Variants in SLC39A3 observed in about 807,000 individuals in gnomAD.
The protein encoded by SLC39A3 is solute carrier family 39 member 3.
SLC39A3 carries 3 observed loss-of-function variants against 5.1 expected under a neutral mutation model. The ratio of observed to expected loss-of-function variants is 0.59; its 90% CI spans 0.27 to 1.54. The LOEUF is 1.54. SLC39A3 is among the 40% of genes most tolerant of loss of function. The pLI is 0.12. For synonymous variants in SLC39A3, 250 were observed against 218.8 expected (o/e 1.14, Z -1.26); for missense variants, 412 against 436.4 (o/e 0.94, Z 0.50).
Position 2,733,234 on chromosome 19 carries a change from G to A in SLC39A3, c.462C>T (p.Gly154=), listed in dbSNP as rs1914252087. Residue 154 remains glycine (G), a synonymous_variant, in exon 3 of 3, where the codon GGC becomes GGT. Coordinates refer to ENST00000269740, the MANE Select transcript of SLC39A3 (RefSeq NM_144564.5). This position sits in a 1 kb window ranked among gnomAD's most constrained non-coding sequence, Gnocchi z 6.1. Reference sequence around the variant, plus strand: ...AGAGGCCCTGCACGCTCAGGCTGGGGCCGTGGCCGTGGGGCTCCACGTACA... The same window carrying A: ...AGAGGCCCTGCACGCTCAGGCTGGGACCGTGGCCGTGGGGCTCCACGTACA... ...HALYVEPHGH[G]PSLSVQGLSR... is the part of the protein sequence containing the mutation. 3.1e-6 allele frequency: 5 copies of A among 1,608,784 alleles called. No homozygotes were observed. The highest frequency in any genetic ancestry group is 1.1e-5 in the South Asian group (1 of 90,818).
chr19:2,733,174 G>A lies in SLC39A3; in HGVS notation c.522C>T (p.Ala174=), dbSNP rs532437617. 1.7e-5 allele frequency: 27 copies of A among 1,609,760 alleles called. 1 individual carries two copies. In the South Asian group the frequency reaches 1.8e-4, roughly 11 times the overall value. Residue 174 remains alanine, a synonymous_variant, in exon 3 of 3, where the codon GCC becomes GCT. Transcript: ENST00000269740. This position sits in a 1 kb window ranked among gnomAD's most constrained non-coding sequence, Gnocchi z 6.1. ...RASPVRLLSL[A]FALSAHSVFE... ...AGACCGAGTGGGCCGACAGCGCGAA[G>A]GCCAGGCTGAGCAGGCGCACGGGGC...
In SLC39A3 at chr19:2,734,294, C is replaced by T. The variant is rs556447340; in HGVS notation, c.211-809G>A. ...TCACAGCCACCCTCCAGAGAGACCTCGAGACCAAAGTGGAGGAAAATCACA... is the reference window on the plus strand; with the variant it reads ...TCACAGCCACCCTCCAGAGAGACCTTGAGACCAAAGTGGAGGAAAATCACA... On this transcript the variant is annotated intron_variant, in intron 2 of 2. Transcript: ENST00000269740. This position sits in a 1 kb window ranked among gnomAD's most constrained non-coding sequence, Gnocchi z 4.6. Among the ~76,000 whole-genome samples, 8 of 152,340 alleles carry T rather than the reference C, an allele frequency of 5.3e-5. No individual in the cohort carries two copies. The South Asian group carries it at 8.3e-4, about 16-fold the overall frequency.
At chr19:2,738,257 T>C (rs1408695168) in intron 1 of SLC39A3, among the ~76,000 whole-genome samples, 3 of 149,202 alleles carry the variant, frequency 2.0e-5, no homozygotes, top group African/African-American at 7.4e-5. Context: ...TCAGTCTCCC[T>C]GGCCATATTT....
chr19:2,737,424 T>TA (rs1178238235), intron 1 of SLC39A3, 45 bp from the exon 2 acceptor site: 2 of 1,016,894 alleles, frequency 2.0e-6, no homozygotes, highest in African/African-American at 1.7e-5. Flanking sequence ...TCTTTTTTCT[T>TA]TTTTTTTTTT....
Position 2,734,797 on chromosome 19 carries a change from T to A in SLC39A3, c.211-1312A>T. 1 of 985,444 alleles carries A rather than the reference T, an allele frequency of 1.0e-6. No individual in the cohort carries two copies. Among genetic ancestry groups the A allele is most frequent in the Non-Finnish European group, 1.2e-6 (1 of 829,956 alleles). The allele number at this position is 985,444 out of a possible 1,614,324, so 61.0% of individuals were successfully genotyped here. ...TGTTTCCACGGAGAAGCCACTTAAC[T>A]CCCTCACTGACCACCGGCTGGAGGC... is the stretch of plus-strand genomic sequence containing the variant. On this transcript the variant is annotated intron_variant, in intron 2 of 2. Transcript: ENST00000269740. This position sits in a 1 kb window ranked among gnomAD's most constrained non-coding sequence, Gnocchi z 4.6.
In SLC39A3 at chr19:2,733,117, C is replaced by T. The variant is rs1157536787; in HGVS notation, c.579G>A (p.Glu193=). 6.2e-7 allele frequency: 1 copy of T among 1,610,748 alleles called. No individual in the cohort carries two copies. The change falls in exon 3 of 3, where the codon GAG becomes GAA. Residue 193 remains glutamate, a synonymous_variant. Coordinates refer to ENST00000269740, the MANE Select transcript of SLC39A3 (RefSeq NM_144564.5). The surrounding 1 kb of genome is among the most constrained non-coding windows in gnomAD (Gnocchi z 6.1). The part of the protein sequence containing the change: ...FEGLALGLQE[E]GEKVVSLFVG... ...CGAACAGGCTCACCACTTTCTCCCC[C>T]TCCTCCTGCAGGCCCAGGGCCAGGC...
At position 2,735,262 on chromosome 19, in the gene SLC39A3, A is replaced by G; in HGVS notation, c.211-1777T>C. 1 of 976,928 alleles carries G rather than the reference A, an allele frequency of 1.0e-6. No homozygotes were observed. The highest frequency in any genetic ancestry group is 1.2e-6 in the Non-Finnish European group (1 of 822,226). The allele number at this position is 976,928 out of a possible 1,614,324, so 60.5% of individuals were successfully genotyped here. A position where few individuals can be genotyped will look rare whatever the true frequency, so the allele number is the denominator to read the frequency against. ...GTCAGTCTTCACACACCGCGTAACG[A>G]ACGAATGCAGACTCAGCCACGCGGA... On this transcript the variant is annotated intron_variant, in intron 2 of 2. Transcript: ENST00000269740. This position sits in a 1 kb window ranked among gnomAD's most constrained non-coding sequence, Gnocchi z 5.7.
At position 2,733,276 on chromosome 19, in the gene SLC39A3, G is replaced by GC. The variant is rs1180426577; in HGVS notation, c.419dup (p.Ala141ArgfsTer44). 6.2e-6 allele frequency: 10 copies of GC among 1,612,580 alleles called. No homozygotes were observed. Among genetic ancestry groups the GC allele is most frequent in the South Asian group, 1.1e-5 (1 of 91,092 alleles). On this transcript the variant is annotated frameshift_variant, in exon 3 of 3. Transcript: ENST00000269740. LOFTEE classifies it low-confidence loss of function (END_TRUNC). This position sits in a 1 kb window ranked among gnomAD's most constrained non-coding sequence, Gnocchi z 6.1. ...CCACGTACAGCGCGTGGCCCCGCGC[G>GC]CCCCCCATGAAGGGGCTCTCATACT... is the stretch of plus-strand genomic sequence containing the variant.
Position 2,733,508 on chromosome 19 carries a change from G to C in SLC39A3, c.211-23C>G, listed in dbSNP as rs371649826. On this transcript the variant is annotated intron_variant, in intron 2 of 2. Transcript: ENST00000269740. The surrounding 1 kb of genome is among the most constrained non-coding windows in gnomAD (Gnocchi z 6.1). ...GAGCTGCAGCCGGGGACACCCGAGAGAGAGAGAGAGACCCACGCTCAGGGG... is the reference window on the plus strand; with the variant it reads ...GAGCTGCAGCCGGGGACACCCGAGACAGAGAGAGAGACCCACGCTCAGGGG... 13 of 1,589,976 alleles carry C rather than the reference G, an allele frequency of 8.2e-6. No homozygotes were observed. Among genetic ancestry groups the C allele is most frequent in the Non-Finnish European group, 1.0e-5 (12 of 1,167,590 alleles).
In SLC39A3 at chr19:2,733,770, G is replaced by A. The variant is rs570806164; in HGVS notation, c.211-285C>T. 6.6e-6 allele frequency among the ~76,000 whole-genome samples: 1 copy of A among 152,280 alleles called. No individual in the cohort carries two copies. Among genetic ancestry groups the A allele is most frequent in the South Asian group, 2.1e-4 (1 of 4,822 alleles). On this transcript the variant is annotated intron_variant, in intron 2 of 2. Coordinates refer to ENST00000269740, the MANE Select transcript of SLC39A3 (RefSeq NM_144564.5). This position sits in a 1 kb window ranked among gnomAD's most constrained non-coding sequence, Gnocchi z 6.1. ...CAGCCTGGCCAATATGGGGAAACAT[G>A]TTTCTACTAAAAATACAAAAATTAG...
chr19:2,734,067 CTT>C lies in SLC39A3; in HGVS notation c.211-584_211-583del, dbSNP rs1171692579. Among the ~76,000 whole-genome samples the C allele has an allele frequency of 6.6e-6, 1 of 152,226 alleles. No homozygotes were observed. Among genetic ancestry groups the C allele is most frequent in the Non-Finnish European group, 1.5e-5 (1 of 68,038 alleles). On this transcript the variant is annotated intron_variant, in intron 2 of 2. Transcript: ENST00000269740. The surrounding 1 kb of genome is among the most constrained non-coding windows in gnomAD (Gnocchi z 4.6). ...TCAGGGCTCTCCTAGCGAGGGGAGA[CTT>C]TGGTGGGGAGAAACTAGACGTGGGT...
At position 2,735,692 on chromosome 19, in the gene SLC39A3, G is replaced by A; in HGVS notation, c.210+1356C>T. ...TCATCACAGCTGCAACATCCCCTCT[G>A]CTGGGATTCTGACATAATGGCAGGA... On this transcript the variant is annotated intron_variant, in intron 2 of 2. Coordinates refer to ENST00000269740, the MANE Select transcript of SLC39A3 (RefSeq NM_144564.5). This position sits in a 1 kb window ranked among gnomAD's most constrained non-coding sequence, Gnocchi z 5.7. 1 of 326,484 alleles carries A rather than the reference G, an allele frequency of 3.1e-6. No individual in the cohort carries two copies. The highest frequency in any genetic ancestry group is 4.4e-6 in the Non-Finnish European group (1 of 227,954). The allele number at this position is 326,484 out of a possible 1,614,324, so 20.2% of individuals were successfully genotyped here.
At chr19:2,738,680 T>G (rs1599487119) in intron 1 of SLC39A3, among the ~76,000 whole-genome samples, 1 of 151,634 alleles carries the variant, frequency 6.6e-6, no homozygotes, top group Non-Finnish European at 1.5e-5. Context: ...GAGGCTGAGG[T>G]GGGCAGATCA....
In SLC39A3 at chr19:2,733,514, G is replaced by C; in HGVS notation, c.211-29C>G. The stretch of plus-strand genomic sequence containing the variant: ...CAGCCGGGGACACCCGAGAGAGAGA[G>C]AGAGACCCACGCTCAGGGGTGGCGG... On this transcript the variant is annotated intron_variant, in intron 2 of 2. Transcript: ENST00000269740. The surrounding 1 kb of genome is among the most constrained non-coding windows in gnomAD (Gnocchi z 6.1). 3 of 1,586,112 alleles carry C rather than the reference G, an allele frequency of 1.9e-6. No homozygotes were observed. Among genetic ancestry groups the C allele is most frequent in the East Asian group, 2.2e-5 (1 of 44,520 alleles).
chr19:2,736,868 G>T lies in SLC39A3; in HGVS notation c.210+180C>A. 3 of 1,489,740 alleles carry T rather than the reference G, an allele frequency of 2.0e-6. No individual in the cohort carries two copies. In the South Asian group the frequency reaches 4.1e-5, roughly 20 times the overall value. 92.3% of individuals were successfully genotyped at this position (1,489,740 alleles called of 1,614,324 possible). On this transcript the variant is annotated intron_variant, in intron 2 of 2. Transcript: ENST00000269740. ...TCTGGTCCAAACCCCTTGTTTGGCC[G>T]GTAGAGCACAGAGACAGAAAGTAAC... is the stretch of plus-strand genomic sequence containing the variant.
At chr19:2,738,507 C>G (rs1439103009) in intron 1 of SLC39A3, among the ~76,000 whole-genome samples, 2 of 152,166 alleles carry the variant, frequency 1.3e-5, no homozygotes, top group Non-Finnish European at 1.5e-5. Flanking sequence ...GCCTCAGGAC[C>G]TCTGCATGGG....
chr19:2,732,673 GCGCGGCCGGGGGA>G lies in SLC39A3; in HGVS notation c.*65_*77del. On this transcript the variant is annotated 3_prime_UTR_variant, in exon 3 of 3. Transcript: ENST00000269740. ...GCCACAGTGCTCGCTCTTGGGGGAC[GCGCGGCCGGGGGA>G]CGCGGCCTGTGTCCGGCCCGGGGCT... 1 of 1,435,688 alleles carries G rather than the reference GCGCGGCCGGGGGA, an allele frequency of 7.0e-7. No individual in the cohort carries two copies. Among genetic ancestry groups the G allele is most frequent in the Non-Finnish European group, 9.1e-7 (1 of 1,100,994 alleles). 88.9% of individuals were successfully genotyped at this position (1,435,688 alleles called of 1,614,324 possible).
Position 2,732,973 on chromosome 19 carries a change from G to A in SLC39A3, c.723C>T (p.Pro241=). ...KLAVTVSAMI[P]LGIGLGLGIE... ...TGCCCAGGCCCAGGCCGATGCCCAGGGGGATCATGGCGCTTACGGTGACCG... is the reference window on the plus strand; with the variant it reads ...TGCCCAGGCCCAGGCCGATGCCCAGAGGGATCATGGCGCTTACGGTGACCG... Residue 241 remains proline, a synonymous_variant, in exon 3 of 3, where the codon CCC becomes CCT. Transcript: ENST00000269740. 2 of 1,602,624 alleles carry A rather than the reference G, an allele frequency of 1.2e-6. No individual in the cohort carries two copies. Among genetic ancestry groups the A allele is most frequent in the Non-Finnish European group, 1.7e-6 (2 of 1,173,580 alleles).
intron 1 of SLC39A3, among the ~76,000 whole-genome samples, chr19:2,739,267 G>T (rs751744377): frequency 6.6e-6 from 1 of 152,076 alleles, no homozygotes. Flanking sequence ...GATAAGGGCC[G>T]CATTTTACCT....
Sources: gnomAD v4.1 joint callset for allele counts (sites outside exome capture counted in the v4.1 genomes callset) on GRCh38, gnomAD v4.1.1 for gene constraint, Gnocchi (gnomAD v3.1) non-coding constraint, MANE v1.5 for transcripts, NCBI Gene and HGNC (gene_info 2026-07-23, HGNC 2026-07-21) for gene names.